LYZL4: variants seen among roughly 807,000 people sequenced by gnomAD.
The protein encoded by LYZL4 is lysozyme-like protein 4.
A neutral mutation model predicts 17.6 loss-of-function variants in LYZL4; 13 were observed. The observed-to-expected ratio is 0.74, with a 90% CI of 0.48 to 1.18. The LOEUF (loss-of-function observed/expected upper bound fraction) is 1.18, where lower values mean the gene tolerates loss of function less well. Ranked by LOEUF, LYZL4 falls within the 50% of genes most tolerant of loss-of-function variation. The pLI, the probability that LYZL4 is intolerant of heterozygous loss-of-function variation, is 0.00. For synonymous variants in LYZL4, 64 were observed against 67.7 expected (o/e 0.95, Z 0.27); for missense variants, 174 against 188.2 (o/e 0.92, Z 0.44).
chr3:42,401,846 T>C (rs1331440700), intron 4 of LYZL4, among the ~76,000 whole-genome samples: 1 of 152,142 alleles, frequency 6.6e-6, no homozygotes, highest in Non-Finnish European at 1.5e-5. Context: ...AATATTAAAC[T>C]TCTTTACCTA....
the LYZL4 span, among the ~76,000 whole-genome samples, chr3:42,375,360 C>G: frequency 6.6e-6 from 1 of 152,206 alleles, no homozygotes; most frequent in Non-Finnish European, 1.5e-5. Context: ...ATTTGGAAAA[C>G]AAGCCCTGGT....
chr3:42,385,192 A>T, the LYZL4 span, among the ~76,000 whole-genome samples: 3,132 of 152,256 alleles, frequency 0.021, 102 homozygotes, highest in African/African-American at 0.069. Context: ...TCAAAAAAAA[A>T]AAATAAATAA....
intron 4 of LYZL4, among the ~76,000 whole-genome samples, chr3:42,399,993 C>T (rs1698627035): frequency 6.6e-6 from 1 of 151,316 alleles, no homozygotes; most frequent in African/African-American, 2.4e-5. Flanking sequence ...TTTGCAACAA[C>T]CTAATAGTTC....
the LYZL4 span, among the ~76,000 whole-genome samples, chr3:42,360,920 A>G: frequency 2.0e-5 from 3 of 152,020 alleles, no homozygotes; most frequent in Admixed American, 6.5e-5. Context: ...GCCAAGCCTG[A>G]TATGTTTTCA....
At chr3:42,365,063 A>G in the LYZL4 span, among the ~76,000 whole-genome samples, 4 of 152,172 alleles carry the variant, frequency 2.6e-5, no homozygotes, top group Middle Eastern at 3.2e-3. Flanking sequence ...AGTGTCATAC[A>G]AAAGGGGATT....
At chr3:42,374,541 T>C in the LYZL4 span, among the ~76,000 whole-genome samples, 1 of 152,144 alleles carries the variant, frequency 6.6e-6, no homozygotes, top group African/African-American at 2.4e-5. Context: ...CCTGAGCCAG[T>C]ATGAATTAAT....
intron 4 of LYZL4, among the ~76,000 whole-genome samples, 173 bp downstream of exon 4, chr3:42,403,873 T>C (rs1698703200): frequency 6.6e-6 from 1 of 152,210 alleles, no homozygotes; most frequent in African/African-American, 2.4e-5. Flanking sequence ...CTGATAATTA[T>C]TTCCTTCCCT....
At chr3:42,367,863 T>C in the LYZL4 span, among the ~76,000 whole-genome samples, 1 of 152,224 alleles carries the variant, frequency 6.6e-6, no homozygotes, top group Non-Finnish European at 1.5e-5. Flanking sequence ...ATGTAATATT[T>C]GGAACACCCA....
chr3:42,373,021 A>G, the LYZL4 span, among the ~76,000 whole-genome samples: 1 of 152,086 alleles, frequency 6.6e-6, no homozygotes, highest in East Asian at 1.9e-4. Context: ...AGCCTGGCCA[A>G]CATGGTGAGA....
At chr3:42,372,292 G>A in the LYZL4 span, among the ~76,000 whole-genome samples, 1 of 152,198 alleles carries the variant, frequency 6.6e-6, no homozygotes, top group African/African-American at 2.4e-5. Context: ...TTTCTCATTT[G>A]TCAGGTGCGA....
At chr3:42,395,438 GA>G (rs34118691), downstream of LYZL4, among the ~76,000 whole-genome samples, 1 of 152,042 alleles carries the variant, frequency 6.6e-6, no homozygotes, top group African/African-American at 2.4e-5. Flanking sequence ...AATATTGAGT[GA>G]AAAAAGGAAG....
chr3:42,391,080 A>C, the LYZL4 span, among the ~76,000 whole-genome samples: 1 of 152,164 alleles, frequency 6.6e-6, no homozygotes. Flanking sequence ...GAGACAATAC[A>C]TGTCCAGTGT....
At chr3:42,375,120 A>G in the LYZL4 span, among the ~76,000 whole-genome samples, 1 of 152,006 alleles carries the variant, frequency 6.6e-6, no homozygotes, top group Non-Finnish European at 1.5e-5. Context: ...CTAGTATCTG[A>G]CTTTTTGGTG....
the LYZL4 span, among the ~76,000 whole-genome samples, chr3:42,363,580 A>C: frequency 1.3e-5 from 2 of 152,160 alleles, no homozygotes; most frequent in African/African-American, 4.8e-5. Flanking sequence ...CCTTATAATA[A>C]AATGTTGGAA....
At chr3:42,367,568 C>T in the LYZL4 span, among the ~76,000 whole-genome samples, 34 of 152,260 alleles carry the variant, frequency 2.2e-4, no homozygotes, top group African/African-American at 8.2e-4. Context: ...AAGGGTGCTC[C>T]CAGCAGAGGT....
the LYZL4 span, among the ~76,000 whole-genome samples, chr3:42,386,410 C>A: frequency 2.1e-3 from 262 of 124,140 alleles, 16 homozygotes; most frequent in Non-Finnish European, 4.0e-3. Flanking sequence ...CCCCCCCCCC[C>A]CCGCCTCCCT....
chr3:42,373,538 C>T, the LYZL4 span, among the ~76,000 whole-genome samples: 679 of 152,144 alleles, frequency 4.5e-3, 3 homozygotes, highest in African/African-American at 0.015. Flanking sequence ...ATAGCATGGG[C>T]GTGGGGGAGG....
the LYZL4 span, among the ~76,000 whole-genome samples, chr3:42,366,521 CCTTT>C: frequency 1.3e-5 from 2 of 152,230 alleles, no homozygotes; most frequent in African/African-American, 4.8e-5. Flanking sequence ...TCCTGCTTCC[CCTTT>C]CTCTCTTCCT....
At position 42,406,828 on chromosome 3, in the gene LYZL4, A is replaced by G. The variant is rs1698762261; in HGVS notation, c.292+18T>C. 42 of 1,613,356 alleles carry G rather than the reference A, an allele frequency of 2.6e-5. No individual in the cohort carries two copies. The highest frequency in any genetic ancestry group is 3.6e-5 in the Non-Finnish European group (42 of 1,180,010). Reference sequence around the variant, plus strand: ...ATAGCCTCCAGTGCCCCCGCACGGAATGGAAAGAGGGACTTACCGGAACAT... The same window carrying G: ...ATAGCCTCCAGTGCCCCCGCACGGAGTGGAAAGAGGGACTTACCGGAACAT... On this transcript the variant is annotated intron_variant, in intron 3 of 4. Coordinates refer to ENST00000287748, the MANE Select transcript of LYZL4 (RefSeq NM_144634.4).
Sources: allele counts gnomAD v4.1 joint callset (sites outside exome capture counted in the v4.1 genomes callset), GRCh38; gene constraint gnomAD v4.1.1; transcripts MANE v1.5; gene names NCBI Gene and HGNC (gene_info 2026-07-23, HGNC 2026-07-21).